The following PAX2 variants were observed in gnomAD, a reference collection of about 807,000 sequenced individuals.
PAX2 encodes paired box 2, also known as paired box protein Pax-2.
In PAX2, 9 loss-of-function variants were observed where a neutral mutation model predicts 41.7. The observed-to-expected ratio is 0.22, with a 90% CI of 0.13 to 0.38. The LOEUF is 0.38. Among genes scored for constraint, PAX2 ranks in the 10% least tolerant of loss-of-function variants. The pLI is 1.00. For missense variants in PAX2, 418 were observed against 531.6 expected, an observed-to-expected ratio of 0.79 and a Z score of 2.10; for synonymous variants, 221 against 212.7, an observed-to-expected ratio of 1.04 and a Z score of -0.34.
At chr10:100,760,224 G>A (rs1435780437) in intron 3 of PAX2, among the ~76,000 whole-genome samples, 1 of 152,168 alleles carries the variant, frequency 6.6e-6, no homozygotes. Context: ...GGGAACTCTC[G>A]AAAGGAGTCA....
intron 7 of PAX2, among the ~76,000 whole-genome samples, chr10:100,811,065 A>G (rs577754641): frequency 1.9e-4 from 29 of 152,308 alleles, no homozygotes; most frequent in Middle Eastern, 3.4e-3. Flanking sequence ...GGAGCTGTTC[A>G]CCAGTGGTAA....
intron 3 of PAX2, among the ~76,000 whole-genome samples, chr10:100,759,825 G>A (rs1224759427): frequency 6.6e-6 from 1 of 152,204 alleles, no homozygotes; most frequent in Non-Finnish European, 1.5e-5. Context: ...ATGAGCAAAT[G>A]GGAGTGAGCA....
At chr10:100,773,660 G>A (rs922968109) in intron 3 of PAX2, among the ~76,000 whole-genome samples, 2 of 152,046 alleles carry the variant, frequency 1.3e-5, no homozygotes, top group African/African-American at 4.8e-5. Context: ...TGAACTTTGC[G>A]TGGCGATCAA....
chr10:100,768,087 A>T (rs527577645), intron 3 of PAX2, among the ~76,000 whole-genome samples: 1 of 152,172 alleles, frequency 6.6e-6, no homozygotes, highest in Admixed American at 6.5e-5. Context: ...GGACCAATAT[A>T]AAAACACGAT....
chr10:100,745,865 C>G lies in PAX2; in HGVS notation c.-396C>G. The G allele has an allele frequency of 9.0e-7, 1 of 1,110,886 alleles. No individual in the cohort carries two copies. Among genetic ancestry groups the G allele is most frequent in the South Asian group, 3.9e-5 (1 of 25,808 alleles). 68.8% of individuals were successfully genotyped at this position (1,110,886 alleles called of 1,614,324 possible). A position where few individuals can be genotyped will look rare whatever the true frequency, so the allele number is the denominator to read the frequency against. On this transcript the variant is annotated 5_prime_UTR_variant, in exon 1 of 10. Transcript: ENST00000355243. The stretch of plus-strand genomic sequence containing the variant: ...GACCGCCCCCGCCCCGCGCGCTCTC[C>G]GACCACCGCCTCTCGGATGACCAGG...
upstream of PAX2, among the ~76,000 whole-genome samples, chr10:100,745,251 G>A (rs1049128380): frequency 6.6e-6 from 1 of 152,146 alleles, no homozygotes; most frequent in South Asian, 2.1e-4. Flanking sequence ...TTATCTTATC[G>A]GCGAGTTTCG....
At chr10:100,775,101 G>GCA (rs1846339449) in intron 3 of PAX2, among the ~76,000 whole-genome samples, 1 of 152,186 alleles carries the variant, frequency 6.6e-6, no homozygotes, top group African/African-American at 2.4e-5. Flanking sequence ...GCAGAGCTGT[G>GCA]TCCTCCAGGG....
chr10:100,808,983 C>T (rs1847895469), intron 6 of PAX2, 127 bp from the exon 7 acceptor site: 1 of 883,956 alleles, frequency 1.1e-6, no homozygotes, highest in Non-Finnish European at 1.9e-6. Flanking sequence ...CGCATCTCCC[C>T]TCTGCCCCAC....
rs368258141 is a variant in PAX2, at chr10:100,748,928, G to A, written c.44-818G>A. The A allele has an allele frequency of 7.2e-5, 71 of 985,238 alleles. No individual in the cohort carries two copies. The African/African-American group carries it at 1.1e-3, about 15-fold the overall frequency. 61.0% of individuals were successfully genotyped at this position (985,238 alleles called of 1,614,324 possible). ...AGACGGTGGGCCCCAACCAGGCTCTGCGAGGCGCGGCAGGCAGGCGAGCCC... is the reference window on the plus strand; with the variant it reads ...AGACGGTGGGCCCCAACCAGGCTCTACGAGGCGCGGCAGGCAGGCGAGCCC... On this transcript the variant is annotated intron_variant, in intron 1 of 9. Transcript: ENST00000355243. The surrounding 1 kb of genome is among the most constrained non-coding windows in gnomAD (Gnocchi z 5.0).
At chr10:100,782,900 A>G (rs1272297377) in intron 5 of PAX2, among the ~76,000 whole-genome samples, 3 of 152,138 alleles carry the variant, frequency 2.0e-5, no homozygotes, top group African/African-American at 7.2e-5. Context: ...TCAAACCCTA[A>G]AGGTCTCTCC....
Position 100,748,913 on chromosome 10 carries a change from C to A in PAX2, c.44-833C>A, listed in dbSNP as rs1845321345. 4 of 985,272 alleles carry A rather than the reference C, an allele frequency of 4.1e-6. No individual in the cohort carries two copies. The highest frequency in any genetic ancestry group is 4.8e-6 in the Non-Finnish European group (4 of 829,944). The allele number at this position is 985,272 out of a possible 1,614,324, so 61.0% of individuals were successfully genotyped here. On this transcript the variant is annotated intron_variant, in intron 1 of 9. Coordinates refer to ENST00000355243, the MANE Select transcript of PAX2 (RefSeq NM_000278.5). The surrounding 1 kb of genome is among the most constrained non-coding windows in gnomAD (Gnocchi z 5.0). ...CGTGCCACCTGGGCGAGACGGTGGG[C>A]CCCAACCAGGCTCTGCGAGGCGCGG...
intron 7 of PAX2, among the ~76,000 whole-genome samples, chr10:100,818,679 C>T (rs1461181187): frequency 6.6e-6 from 1 of 152,086 alleles, no homozygotes; most frequent in African/African-American, 2.4e-5. Context: ...ATTTAAAACC[C>T]CCACTGTAAA....
chr10:100,780,090 C>A (rs1460593486), intron 4 of PAX2, among the ~76,000 whole-genome samples: 2 of 152,114 alleles, frequency 1.3e-5, no homozygotes, highest in African/African-American at 4.8e-5. Flanking sequence ...TCTCTTCTCT[C>A]TTCTTCTTAG....
In PAX2 at chr10:100,824,629, C is replaced by T. The variant is rs1564746284; in HGVS notation, c.920-19C>T. 2 of 1,538,012 alleles carry T rather than the reference C, an allele frequency of 1.3e-6. No individual in the cohort carries two copies. On this transcript the variant is annotated intron_variant, in intron 7 of 9. Transcript: ENST00000355243. This position sits in a 1 kb window ranked among gnomAD's most constrained non-coding sequence, Gnocchi z 6.6. ...CCCTTTCTTCCAGGCCTCACCCCTTCCCCTTTGTGTTTTTCCAGGTCGTGA... is the reference window on the plus strand; with the variant it reads ...CCCTTTCTTCCAGGCCTCACCCCTTTCCCTTTGTGTTTTTCCAGGTCGTGA...
rs564280364 is a variant in PAX2 at position 100,747,969 on chromosome 10, C to T, written c.43+1666C>T. ...ACCCAAAGGTTTCTGCACGGCCAAG[C>T]AGAGGTCGGAGGGAGAGAGCCGCAG... On this transcript the variant is annotated intron_variant, in intron 1 of 9. Transcript: ENST00000355243. 5.6e-3 allele frequency: 5,551 copies of T among 983,644 alleles called. 27 individuals carry two copies. Among genetic ancestry groups the T allele is most frequent in the Middle Eastern group, 0.027 (51 of 1,906 alleles). The allele number at this position is 983,644 out of a possible 1,614,324, so 60.9% of individuals were successfully genotyped here.
intron 7 of PAX2, among the ~76,000 whole-genome samples, chr10:100,822,971 C>T (rs1208449045): frequency 6.6e-6 from 1 of 152,140 alleles, no homozygotes; most frequent in Non-Finnish European, 1.5e-5. Context: ...CAAGCAGCCA[C>T]ATTTAGGACA....
intron 5 of PAX2, among the ~76,000 whole-genome samples, chr10:100,804,282 A>ACACG (rs1847679227): frequency 6.6e-6 from 1 of 151,664 alleles, no homozygotes; most frequent in Admixed American, 6.6e-5. Flanking sequence ...ACACACACAC[A>ACACG]CACACACACA....
chr10:100,798,482 G>A (rs1287820898), intron 5 of PAX2, among the ~76,000 whole-genome samples: 1 of 152,040 alleles, frequency 6.6e-6, no homozygotes, highest in Non-Finnish European at 1.5e-5. Flanking sequence ...TGAATGTCCA[G>A]TTTAAAGATG....
chr10:100,779,403 GA>G, intron 3 of PAX2, 94 bp from the exon 4 acceptor site: 8 of 1,029,130 alleles, frequency 7.8e-6, no homozygotes. Flanking sequence ...AATCGCTGAG[GA>G]ACTTGGGAGA....
Sources: gnomAD v4.1 joint callset for allele counts (sites outside exome capture counted in the v4.1 genomes callset) on GRCh38, gnomAD v4.1.1 for gene constraint, Gnocchi (gnomAD v3.1) non-coding constraint, MANE v1.5 for transcripts, NCBI Gene and HGNC (gene_info 2026-07-23, HGNC 2026-07-21) for gene names.